ASIC2: variants seen among roughly 807,000 people sequenced by gnomAD.
ASIC2 encodes acid sensing ion channel subunit 2.
In ASIC2, 25 loss-of-function variants were observed where a neutral mutation model predicts 57.3. The ratio of observed to expected loss-of-function variants is 0.44; its 90% CI spans 0.32 to 0.61. The LOEUF is 0.61. Among genes scored for constraint, ASIC2 ranks in the 20% least tolerant of loss-of-function variants. The pLI, the probability that ASIC2 is intolerant of heterozygous loss-of-function variation, is 0.06. For missense variants in ASIC2, 641 were observed against 738.1 expected (o/e 0.87, Z 1.52); for synonymous variants, 319 against 307.5 (o/e 1.04, Z -0.39).
chr17:33,618,144 G>C (rs1946654), intron 1 of ASIC2, among the ~76,000 whole-genome samples: 79,116 of 151,300 alleles, frequency 0.52, 21,387 homozygotes, highest in African/African-American at 0.66. Context: ...AGCCACTGTC[G>C]AATCCATATT....
intron 1 of ASIC2, among the ~76,000 whole-genome samples, chr17:33,616,817 G>T (rs1905619301): frequency 6.6e-6 from 1 of 152,232 alleles, no homozygotes; most frequent in African/African-American, 2.4e-5. Context: ...CAGCAGTTGT[G>T]TGGGCACAAG....
At chr17:33,155,578 T>TG (rs1904971679) in intron 1 of ASIC2, among the ~76,000 whole-genome samples, 1 of 149,064 alleles carries the variant, frequency 6.7e-6, no homozygotes, top group Non-Finnish European at 1.5e-5. Flanking sequence ...TTTTTTTTTT[T>TG]GAGACGATGT....
At chr17:34,087,396 T>C in intron 1 of ASIC2, among the ~76,000 whole-genome samples, 1 of 152,200 alleles carries the variant, frequency 6.6e-6, no homozygotes, top group Non-Finnish European at 1.5e-5. Flanking sequence ...GTAGAGTTTC[T>C]GCCGAGAGAT....
At chr17:33,717,353 C>T (rs547536451) in intron 1 of ASIC2, among the ~76,000 whole-genome samples, 19 of 152,310 alleles carry the variant, frequency 1.2e-4, no homozygotes, top group Non-Finnish European at 2.5e-4. Context: ...TGAGGGCCCT[C>T]TGTGGAGTTG....
chr17:33,933,646 A>G (rs1050015326), intron 1 of ASIC2, among the ~76,000 whole-genome samples: 1 of 152,244 alleles, frequency 6.6e-6, no homozygotes, highest in Non-Finnish European at 1.5e-5. Flanking sequence ...ATGAGGACCA[A>G]CTTAGCAGGG....
chr17:33,036,380 G>A (rs1329294425), intron 3 of ASIC2, among the ~76,000 whole-genome samples: 1 of 152,060 alleles, frequency 6.6e-6, no homozygotes, highest in East Asian at 1.9e-4. Context: ...CAAGGAAATC[G>A]ATGGGAGGGA....
intron 1 of ASIC2, among the ~76,000 whole-genome samples, chr17:33,779,970 T>TTTTTG (rs1911399442): frequency 5.1e-5 from 7 of 136,572 alleles, no homozygotes; most frequent in Admixed American, 4.4e-4. Flanking sequence ...CAGAAGCCTT[T>TTTTTG]TTTTTTTTTT....
chr17:33,603,246 G>C (rs1283289995), intron 1 of ASIC2, among the ~76,000 whole-genome samples: 1 of 152,216 alleles, frequency 6.6e-6, no homozygotes, highest in African/African-American at 2.4e-5. Context: ...GGTGGTGGTG[G>C]GAGTGGTGGG....
rs577920906 is a variant in ASIC2 at position 33,836,115 on chromosome 17, G to A, written c.555+319863C>T. On this transcript the variant is annotated intron_variant, in intron 1 of 9. Transcript: ENST00000359872. ...AATTATCTCATTTACCCCTCATACA[G>A]CTTTTTTTTTTTTTTTTTTTTGGAG... is the stretch of plus-strand genomic sequence containing the variant. 4.9e-5 allele frequency among the ~76,000 whole-genome samples: 6 copies of A among 122,502 alleles called. No homozygotes were observed. The South Asian group carries it at 1.4e-3, about 28-fold the overall frequency. The allele number at this position is 122,502 out of a possible 152,430, so 80.4% of individuals were successfully genotyped here. A position where few individuals can be genotyped will look rare whatever the true frequency, so the allele number is the denominator to read the frequency against.
At position 34,156,552 on chromosome 17, in the gene ASIC2, G is replaced by A. The variant is rs189348662; in HGVS notation, c.-20C>T. The A allele has an allele frequency of 9.5e-5, 148 of 1,564,048 alleles. 1 individual carries two copies. In the East Asian group the frequency reaches 3.0e-3, roughly 32 times the overall value. ...GTCCATCGGGACCCCGTGCAGTTCC[G>A]CAACTGGCTTCAGGTTGATCGAATT... is the stretch of plus-strand genomic sequence containing the variant. On this transcript the variant is annotated 5_prime_UTR_variant, in exon 1 of 10. Transcript: ENST00000359872. This position sits in a 1 kb window ranked among gnomAD's most constrained non-coding sequence, Gnocchi z 4.4.
chr17:33,863,737 T>TGC (rs1267157292), intron 1 of ASIC2, among the ~76,000 whole-genome samples: 2 of 152,232 alleles, frequency 1.3e-5, no homozygotes, highest in East Asian at 3.8e-4. Context: ...CAAAGTGGTA[T>TGC]TAATATGCTT....
chr17:33,197,855 C>A (rs1025495444), intron 1 of ASIC2, among the ~76,000 whole-genome samples: 1 of 152,078 alleles, frequency 6.6e-6, no homozygotes, highest in African/African-American at 2.4e-5. Context: ...ATTTTTCAAG[C>A]AGAATGATAG....
chr17:33,182,952 A>G (rs183797084), intron 1 of ASIC2, among the ~76,000 whole-genome samples: 3 of 152,328 alleles, frequency 2.0e-5, no homozygotes, highest in Non-Finnish European at 2.9e-5. Context: ...TCATGAGTGC[A>G]CTGGTGAATT....
intron 3 of ASIC2, among the ~76,000 whole-genome samples, chr17:33,049,032 T>C (rs1255180208): frequency 6.6e-6 from 1 of 152,170 alleles, no homozygotes; most frequent in African/African-American, 2.4e-5. Context: ...CATTTGGGGA[T>C]CACAGAGGCA....
At chr17:34,009,044 T>C (rs1906623990) in intron 1 of ASIC2, among the ~76,000 whole-genome samples, 1 of 152,138 alleles carries the variant, frequency 6.6e-6, no homozygotes, top group Non-Finnish European at 1.5e-5. Context: ...GAGACAGAGA[T>C]TTGTTAAATG....
intron 1 of ASIC2, among the ~76,000 whole-genome samples, chr17:33,508,357 T>G (rs976296162): frequency 2.0e-5 from 3 of 152,176 alleles, no homozygotes; most frequent in African/African-American, 7.2e-5. Flanking sequence ...GACGGTCAAG[T>G]GTACTAACAG....
chr17:33,412,515 G>T (rs1023006393), intron 1 of ASIC2, among the ~76,000 whole-genome samples: 2 of 152,212 alleles, frequency 1.3e-5, no homozygotes, highest in Non-Finnish European at 2.9e-5. Flanking sequence ...AAGGCTCAGA[G>T]AAGTCAAATA....
At chr17:33,878,321 G>C (rs1023337360) in intron 1 of ASIC2, among the ~76,000 whole-genome samples, 16 of 152,106 alleles carry the variant, frequency 1.1e-4, no homozygotes, top group African/African-American at 3.6e-4. Context: ...AGCTAAAGGA[G>C]GAAGTTCGAA....
intron 1 of ASIC2, among the ~76,000 whole-genome samples, chr17:34,151,455 AG>A (rs1448869652): frequency 6.6e-6 from 1 of 152,216 alleles, no homozygotes; most frequent in African/African-American, 2.4e-5. Flanking sequence ...CTGCTATAAA[AG>A]CTGTGCACAG....
Sources: allele counts gnomAD v4.1 joint callset (sites outside exome capture counted in the v4.1 genomes callset), GRCh38; gene constraint gnomAD v4.1.1; non-coding constraint Gnocchi (gnomAD v3.1); transcripts MANE v1.5; gene names NCBI Gene and HGNC (gene_info 2026-07-23, HGNC 2026-07-21).